Variants in PTPRN2 observed in about 807,000 individuals in gnomAD.
PTPRN2 encodes the protein protein tyrosine phosphatase receptor type N2.
A neutral mutation model predicts 118.8 loss-of-function variants in PTPRN2; 74 were observed. That is an observed-to-expected ratio of 0.62 (90% CI 0.52 to 0.76). PTPRN2 has a LOEUF of 0.76. Among genes scored for constraint, PTPRN2 ranks in the 30% least tolerant of loss-of-function variants. The pLI is 0.00. For missense variants in PTPRN2, 1,481 were observed against 1,394.4 expected (o/e 1.06, Z -0.99); for synonymous variants, 641 against 608.0 (o/e 1.05, Z -0.80).
chr7:157,951,106 C>A (rs1051829717), intron 11 of PTPRN2, among the ~76,000 whole-genome samples: 2 of 152,164 alleles, frequency 1.3e-5, no homozygotes, highest in Non-Finnish European at 2.9e-5. Flanking sequence ...GGACCCCAAC[C>A]CAGGAAACCC....
intron 6 of PTPRN2, among the ~76,000 whole-genome samples, chr7:158,147,734 AC>A (rs1820304477): frequency 7.2e-6 from 1 of 138,132 alleles, no homozygotes; most frequent in African/African-American, 2.9e-5. Context: ...ATCTCACGCC[AC>A]GTGTCTTTCC....
In PTPRN2 at chr7:157,726,500, G is replaced by T. The variant is rs1799610518; in HGVS notation, c.1789-43563C>A. Among the ~76,000 whole-genome samples the T allele has an allele frequency of 2.0e-5, 3 of 152,250 alleles. No individual in the cohort carries two copies. In the South Asian group the frequency reaches 6.2e-4, roughly 31 times the overall value. On this transcript the variant is annotated intron_variant, in intron 12 of 22. Transcript: ENST00000389418. ...GCTGACTCACAGCGAATAGCAGAGT[G>T]GCTGGACGCACACTTGGCCAGAACA...
intron 11 of PTPRN2, among the ~76,000 whole-genome samples, chr7:158,007,511 G>A (rs1024480073): frequency 2.0e-5 from 3 of 152,182 alleles, no homozygotes; most frequent in African/African-American, 7.2e-5. Flanking sequence ...AGGGCAGTGG[G>A]GCCTCACAGG....
intron 2 of PTPRN2, among the ~76,000 whole-genome samples, chr7:158,318,233 C>A (rs1056253518): frequency 1.3e-5 from 2 of 152,072 alleles, no homozygotes; most frequent in Admixed American, 6.5e-5. Flanking sequence ...TCCTCAGACA[C>A]GCACCATTCA....
At chr7:157,698,994 G>T (rs775716052) in intron 12 of PTPRN2, among the ~76,000 whole-genome samples, 7 of 152,166 alleles carry the variant, frequency 4.6e-5, no homozygotes, top group Non-Finnish European at 1.0e-4. Flanking sequence ...AAGGAAACAA[G>T]ATAATTCTGT....
At chr7:157,894,970 A>C (rs900974726) in intron 12 of PTPRN2, among the ~76,000 whole-genome samples, 1 of 152,158 alleles carries the variant, frequency 6.6e-6, no homozygotes, top group Admixed American at 6.5e-5. Flanking sequence ...ATAGAAATTC[A>C]CACTTCAGTA....
chr7:157,709,244 G>A (rs1798480115), intron 12 of PTPRN2, among the ~76,000 whole-genome samples: 1 of 152,236 alleles, frequency 6.6e-6, no homozygotes. Context: ...ACGTGCCACA[G>A]ATCAATACGA....
rs577367451 is a variant in PTPRN2 at position 157,960,075 on chromosome 7, A to G, written c.1724-61338T>C. Among the ~76,000 whole-genome samples, 6 of 151,900 alleles carry G rather than the reference A, an allele frequency of 3.9e-5. No individual in the cohort carries two copies. The East Asian group carries it at 7.8e-4, about 20-fold the overall frequency. ...TATTATGTTAAGGGAAATGAGTTGTATATATAAGAGGACAAATATTATGAT... is the reference window on the plus strand; with the variant it reads ...TATTATGTTAAGGGAAATGAGTTGTGTATATAAGAGGACAAATATTATGAT... On this transcript the variant is annotated intron_variant, in intron 11 of 22. Transcript: ENST00000389418.
intron 6 of PTPRN2, among the ~76,000 whole-genome samples, chr7:158,158,273 G>A (rs140536610): frequency 6.0e-4 from 91 of 152,358 alleles, no homozygotes; most frequent in African/African-American, 2.1e-3. Flanking sequence ...TGCTGTCACC[G>A]TGAAAAGTCA....
intron 13 of PTPRN2, among the ~76,000 whole-genome samples, chr7:157,673,313 T>A (rs1260192811): frequency 6.6e-6 from 1 of 152,210 alleles, no homozygotes; most frequent in East Asian, 1.9e-4. Flanking sequence ...TGAGCCCCTG[T>A]GCCAGTCCCA....
At chr7:158,225,728 A>C (rs1203951264) in intron 3 of PTPRN2, among the ~76,000 whole-genome samples, 4 of 152,226 alleles carry the variant, frequency 2.6e-5, no homozygotes, top group African/African-American at 9.6e-5. Flanking sequence ...AGTTTCATAG[A>C]AACAAGTGGT....
chr7:158,149,587 G>C (rs955107085), intron 6 of PTPRN2, among the ~76,000 whole-genome samples: 2 of 152,272 alleles, frequency 1.3e-5, no homozygotes, highest in East Asian at 1.9e-4. Flanking sequence ...TGGATCACCT[G>C]AGGTCAGGAG....
intron 12 of PTPRN2, among the ~76,000 whole-genome samples, chr7:157,777,045 C>T (rs1803373396): frequency 6.9e-6 from 1 of 145,456 alleles, no homozygotes; most frequent in African/African-American, 2.6e-5. Context: ...CCTACCTCTC[C>T]ACTCCCCTCC....
rs190483226 is a variant in PTPRN2 at position 157,716,399 on chromosome 7, C to G, written c.1789-33462G>C. On this transcript the variant is annotated intron_variant, in intron 12 of 22. Transcript: ENST00000389418. Reference sequence around the variant, plus strand: ...TCTGCAGGAACACTGCCTGGCCACACAGACTCTGCAGGAACACTGCCTGGC... The same window carrying G: ...TCTGCAGGAACACTGCCTGGCCACAGAGACTCTGCAGGAACACTGCCTGGC... Among the ~76,000 whole-genome samples the G allele has an allele frequency of 2.2e-5, 2 of 91,186 alleles. 1 individual carries two copies. The highest frequency in any genetic ancestry group is 4.3e-5 in the Non-Finnish European group (2 of 46,978). The allele number at this position is 91,186 out of a possible 152,430, so 59.8% of individuals were successfully genotyped here.
At chr7:158,456,985 A>T (rs1002655720) in intron 2 of PTPRN2, among the ~76,000 whole-genome samples, 3 of 152,232 alleles carry the variant, frequency 2.0e-5, no homozygotes, top group African/African-American at 7.2e-5. Context: ...AACATTAGTT[A>T]ACAGCAACTG....
chr7:158,467,123 G>A (rs1364003370), intron 2 of PTPRN2, among the ~76,000 whole-genome samples: 1 of 152,210 alleles, frequency 6.6e-6, no homozygotes, highest in African/African-American at 2.4e-5. Flanking sequence ...GTGTGAGAGG[G>A]TAAGTCACTG....
At chr7:158,056,758 C>T (rs920620378) in intron 11 of PTPRN2, among the ~76,000 whole-genome samples, 2 of 152,226 alleles carry the variant, frequency 1.3e-5, no homozygotes, top group Non-Finnish European at 2.9e-5. Flanking sequence ...CACAGCAGGA[C>T]AGTGGCTCTC....
rs149362138 is a variant in PTPRN2, at chr7:157,595,154, C to G, written c.2496+84G>C. 24 of 1,277,540 alleles carry G rather than the reference C, an allele frequency of 1.9e-5. No individual in the cohort carries two copies. In the East Asian group the frequency reaches 5.6e-4, roughly 30 times the overall value. The allele number at this position is 1,277,540 out of a possible 1,614,324, so 79.1% of individuals were successfully genotyped here. A position where few individuals can be genotyped will look rare whatever the true frequency, so the allele number is the denominator to read the frequency against. ...AGCATTTGTAAGAAGTTTGATTGGC[C>G]TAATCAGATTCAAGACATGATTCGT... On this transcript the variant is annotated intron_variant, in intron 17 of 22. Coordinates refer to ENST00000389418, the MANE Select transcript of PTPRN2 (RefSeq NM_002847.5).
chr7:157,963,164 A>G (rs1801661856), intron 11 of PTPRN2, among the ~76,000 whole-genome samples: 1 of 152,242 alleles, frequency 6.6e-6, no homozygotes, highest in Non-Finnish European at 1.5e-5. Flanking sequence ...CTGCAGGCTG[A>G]GCCGGGCAGT....
Sources: gnomAD v4.1 joint callset for allele counts (sites outside exome capture counted in the v4.1 genomes callset) on GRCh38, gnomAD v4.1.1 for gene constraint, MANE v1.5 for transcripts, NCBI Gene and HGNC (gene_info 2026-07-23, HGNC 2026-07-21) for gene names.